The following NKIRAS1 variants were observed in gnomAD, a reference collection of about 807,000 sequenced individuals.
NKIRAS1 encodes the protein NFKB inhibitor interacting Ras like 1.
Under a neutral mutation model 19.8 loss-of-function variants are expected in NKIRAS1, and 16 were observed. The observed-to-expected ratio is 0.81, with a 90% CI of 0.55 to 1.23. The LOEUF is 1.23. Among genes scored for constraint, NKIRAS1 ranks in the 50% most tolerant of loss-of-function variants. NKIRAS1 has a pLI of 0.00. For synonymous variants in NKIRAS1, 88 were observed against 79.0 expected (o/e 1.11, Z -0.61); for missense variants, 184 against 220.0 (o/e 0.84, Z 1.04).
chr3:23,917,137 T>G (rs1485227699), upstream of NKIRAS1: 1 of 152,990 alleles, frequency 6.5e-6, no homozygotes, highest in South Asian at 2.1e-4. Flanking sequence ...ATTGTGGGAG[T>G]ACAGCTCTTT....
Position 23,892,749 on chromosome 3 carries a change from C to T in NKIRAS1, c.*346G>A, listed in dbSNP as rs1277240806. On this transcript the variant is annotated 3_prime_UTR_variant, in exon 5 of 5. Transcript: ENST00000425478. ...ATGTTACACAGAATGATTATGATAT[C>T]TTCCGAAACAGCTTGGGGTTGGGGG... The T allele has an allele frequency of 6.1e-6, 1 of 164,394 alleles. No individual in the cohort carries two copies. Among genetic ancestry groups the T allele is most frequent in the Non-Finnish European group, 1.3e-5 (1 of 76,328 alleles). The allele number at this position is 164,394 out of a possible 1,614,324, so 10.2% of individuals were successfully genotyped here. A position where few individuals can be genotyped will look rare whatever the true frequency, so the allele number is the denominator to read the frequency against.
Position 23,900,887 on chromosome 3 carries a change from T to C in NKIRAS1, c.257A>G (p.Tyr86Cys). ...AAAGGATTCAAGGTTATTCACACTG[T>C]ACACAAGAACGAAGCCATCAGCAAA... ...FSFADGFVLV[Y>C]SVNNLESFQR... Residue 86 changes from tyrosine to cysteine, a missense_variant, in exon 4 of 5, where the codon TAC (tyrosine) becomes TGC (cysteine). Physicochemically the swap from Tyr to Cys is radical, Grantham distance 194 (BLOSUM62 -2). Transcript: ENST00000425478. The C allele has an allele frequency of 6.2e-7, 1 of 1,614,074 alleles. No individual in the cohort carries two copies. Among genetic ancestry groups the C allele is most frequent in the Non-Finnish European group, 8.5e-7 (1 of 1,179,912 alleles).
intron 1 of NKIRAS1, among the ~76,000 whole-genome samples, chr3:23,930,808 TCCTCCCACCTTTA>T (rs977988099): frequency 6.6e-6 from 1 of 151,482 alleles, no homozygotes; most frequent in Non-Finnish European, 1.5e-5. Context: ...GCTTAGGTGA[TCCTCCCACCTTTA>T]CCTCCTGAGT....
intron 1 of NKIRAS1, among the ~76,000 whole-genome samples, chr3:23,944,832 G>C (rs1390968987): frequency 1.3e-5 from 2 of 150,600 alleles, no homozygotes; most frequent in Non-Finnish European, 3.0e-5. Flanking sequence ...GGTCGGGTGG[G>C]AGCGGGGGGT....
At chr3:23,946,004 G>A (rs1705680501) in intron 1 of NKIRAS1, 2 of 676,624 alleles carry the variant, frequency 3.0e-6, no homozygotes, top group African/African-American at 2.0e-5. Context: ...ACATTCCCCG[G>A]GGCCGCAGGG....
chr3:23,941,155 G>C (rs1201542829), intron 1 of NKIRAS1, among the ~76,000 whole-genome samples: 1 of 152,166 alleles, frequency 6.6e-6, no homozygotes, highest in Non-Finnish European at 1.5e-5. Flanking sequence ...GGACTCATTG[G>C]AACATTTTAA....
chr3:23,919,042 C>T, upstream of NKIRAS1: 1 of 623,154 alleles, frequency 1.6e-6, no homozygotes, highest in Non-Finnish European at 2.8e-6. Flanking sequence ...TCTCATTACA[C>T]TTGTGATAGT....
intron 4 of NKIRAS1, among the ~76,000 whole-genome samples, chr3:23,898,848 A>G (rs1387289235): frequency 2.6e-5 from 4 of 152,310 alleles, no homozygotes; most frequent in Middle Eastern, 3.4e-3. Context: ...GTGAGCAGGG[A>G]GCAAGCAAGC....
In NKIRAS1 at chr3:23,931,718, G is replaced by C. The variant is rs577369646; in HGVS notation, c.-140+14605C>G. Among the ~76,000 whole-genome samples, 10 of 151,738 alleles carry C rather than the reference G, an allele frequency of 6.6e-5. 1 individual carries two copies. The highest frequency in any genetic ancestry group is 4.6e-4 in the Admixed American group (7 of 15,224). ...AAAAGAAATGGAAAGGAAGGAGAGA[G>C]AGAGAGAGAGAGAGAGAGAAAGAAA... is the stretch of plus-strand genomic sequence containing the variant. On this transcript the variant is annotated intron_variant, in intron 1 of 4. Transcript: ENST00000421515.
At chr3:23,920,273 A>C, upstream of NKIRAS1, 1 of 985,782 alleles carries the variant, frequency 1.0e-6, no homozygotes, top group Non-Finnish European at 1.2e-6. Context: ...TTAGGGGGAA[A>C]GTAGTTGGCT....
chr3:23,921,505 C>T (rs752047388), upstream of NKIRAS1: 1 of 669,578 alleles, frequency 1.5e-6, no homozygotes, highest in African/African-American at 1.8e-5. Flanking sequence ...GCCCCACAAG[C>T]TGTTCCCATT....
At chr3:23,940,439 A>C (rs1230488389) in intron 1 of NKIRAS1, among the ~76,000 whole-genome samples, 1 of 152,066 alleles carries the variant, frequency 6.6e-6, no homozygotes, top group African/African-American at 2.4e-5. Context: ...AACTTTAACC[A>C]CTACATCTCA....
intron 3 of NKIRAS1, 29 bp from the exon 4 acceptor site, chr3:23,901,078 T>C (rs770294541): frequency 1.9e-6 from 3 of 1,610,714 alleles, no homozygotes; most frequent in South Asian, 1.1e-5. Context: ...ATTACTCTTT[T>C]TGGCTAAGTC....
At chr3:23,902,028 C>T (rs1702569832) in intron 3 of NKIRAS1, among the ~76,000 whole-genome samples, 2 of 152,134 alleles carry the variant, frequency 1.3e-5, no homozygotes, top group Non-Finnish European at 2.9e-5. Context: ...GAGCCGAGAT[C>T]ATGCCACTGC....
chr3:23,894,847 C>G (rs1017948313), intron 4 of NKIRAS1, among the ~76,000 whole-genome samples: 14 of 152,192 alleles, frequency 9.2e-5, no homozygotes, highest in East Asian at 1.9e-4. Context: ...GGCCGGCCCC[C>G]CAACTGCTCC....
intron 1 of NKIRAS1, among the ~76,000 whole-genome samples, chr3:23,942,583 C>T (rs1309000265): frequency 6.6e-6 from 1 of 152,054 alleles, no homozygotes; most frequent in South Asian, 2.1e-4. Context: ...AGGCATGTGC[C>T]ACCATGCCCG....
At chr3:23,945,634 G>C (rs1705643093) in intron 1 of NKIRAS1, 2 of 1,155,242 alleles carry the variant, frequency 1.7e-6, no homozygotes, top group Non-Finnish European at 2.1e-6. Flanking sequence ...TGGCCGGAGG[G>C]AGCGCTCAGA....
chr3:23,943,940 A>T (rs113912221), intron 1 of NKIRAS1, among the ~76,000 whole-genome samples: 1 of 148,326 alleles, frequency 6.7e-6, no homozygotes, highest in Non-Finnish European at 1.5e-5. Flanking sequence ...TCAGCAGAGT[A>T]ATCAGATCTT....
exon 1 of NKIRAS1, chr3:23,946,347 C>G: frequency 1.0e-6 from 1 of 963,096 alleles, no homozygotes; most frequent in Non-Finnish European, 1.2e-6. Context: ...GGAGGAAGTG[C>G]AGGACGAGGG....
Sources: gnomAD v4.1 joint callset for allele counts (sites outside exome capture counted in the v4.1 genomes callset) on GRCh38, gnomAD v4.1.1 for gene constraint, MANE v1.5 for transcripts, NCBI Gene and HGNC (gene_info 2026-07-23, HGNC 2026-07-21) for gene names.